VWC2: variants seen among roughly 807,000 people sequenced by gnomAD.
VWC2 encodes brorin.
Under a neutral mutation model 29.8 loss-of-function variants are expected in VWC2, and 14 were observed. The observed-to-expected ratio is 0.47, with a 90% confidence interval of 0.31 to 0.74. The LOEUF (loss-of-function observed/expected upper bound fraction) is 0.74, where lower values mean the gene tolerates loss of function less well. Ranked by LOEUF, VWC2 falls within the 30% of genes least tolerant of loss-of-function variation. The pLI is 0.05. For synonymous variants in VWC2, 213 were observed against 199.0 expected (o/e 1.07, Z -0.59); for missense variants, 457 against 459.8 (o/e 0.99, Z 0.05).
At chr7:49,891,019 C>G (rs1464376020) in intron 3 of VWC2, among the ~76,000 whole-genome samples, 1 of 152,038 alleles carries the variant, frequency 6.6e-6, no homozygotes, top group East Asian at 1.9e-4. Context: ...AGATTTAAGC[C>G]AAATATATTC....
At chr7:49,874,394 G>A (rs958685945) in intron 3 of VWC2, among the ~76,000 whole-genome samples, 3 of 152,020 alleles carry the variant, frequency 2.0e-5, no homozygotes, top group African/African-American at 7.3e-5. Context: ...TGTAGCCTAG[G>A]AGCAATAGGC....
At chr7:49,782,684 C>T (rs1405330975) in intron 2 of VWC2, among the ~76,000 whole-genome samples, 1 of 133,544 alleles carries the variant, frequency 7.5e-6, no homozygotes, top group Non-Finnish European at 1.6e-5. Flanking sequence ...ATCTCTACAA[C>T]AAATTGAAAA....
chr7:49,794,126 C>T (rs1171563928), intron 2 of VWC2, among the ~76,000 whole-genome samples: 1 of 152,174 alleles, frequency 6.6e-6, no homozygotes, highest in Admixed American at 6.5e-5. Context: ...TCACTCCTGA[C>T]CCTCCCATTC....
chr7:49,831,825 T>C (rs996448424), intron 3 of VWC2, among the ~76,000 whole-genome samples: 1 of 152,166 alleles, frequency 6.6e-6, no homozygotes, highest in Non-Finnish European at 1.5e-5. Flanking sequence ...AAAAGACTAT[T>C]GCAAGTGGAA....
intron 3 of VWC2, among the ~76,000 whole-genome samples, chr7:49,862,080 C>G (rs562965374): frequency 6.6e-6 from 1 of 152,264 alleles, no homozygotes; most frequent in East Asian, 1.9e-4. Context: ...GTACTGCCAT[C>G]CTGACAATAT....
At chr7:49,871,344 G>C (rs1791140860) in intron 3 of VWC2, among the ~76,000 whole-genome samples, 1 of 152,008 alleles carries the variant, frequency 6.6e-6, no homozygotes, top group Non-Finnish European at 1.5e-5. Flanking sequence ...GCGCATTAAG[G>C]TATATCCCAT....
At chr7:49,850,162 G>A (rs955229381) in intron 3 of VWC2, among the ~76,000 whole-genome samples, 1 of 152,202 alleles carries the variant, frequency 6.6e-6, no homozygotes, top group African/African-American at 2.4e-5. Context: ...GCAGTATTCA[G>A]GAAGACTGAG....
intron 3 of VWC2, among the ~76,000 whole-genome samples, chr7:49,900,401 A>G (rs1371068527): frequency 6.6e-6 from 1 of 151,742 alleles, no homozygotes; most frequent in African/African-American, 2.4e-5. Context: ...AAGATTAATA[A>G]AAGTTCTAAG....
At chr7:49,837,696 G>A (rs1332631079) in intron 3 of VWC2, among the ~76,000 whole-genome samples, 1 of 152,178 alleles carries the variant, frequency 6.6e-6, no homozygotes, top group Non-Finnish European at 1.5e-5. Flanking sequence ...GCAAGGTTAT[G>A]CCTCCAAATG....
chr7:49,793,571 T>C (rs958429002), intron 2 of VWC2, among the ~76,000 whole-genome samples: 4 of 150,068 alleles, frequency 2.7e-5, no homozygotes, highest in Non-Finnish European at 1.5e-5. Flanking sequence ...CCATATATAT[T>C]CTTTTGCAAC....
At chr7:49,887,156 T>C (rs1791939346) in intron 3 of VWC2, among the ~76,000 whole-genome samples, 1 of 152,226 alleles carries the variant, frequency 6.6e-6, no homozygotes, top group African/African-American at 2.4e-5. Context: ...TGCTTTATCC[T>C]GATCGATGAT....
At chr7:49,783,294 A>G (rs966527735) in intron 2 of VWC2, among the ~76,000 whole-genome samples, 1 of 152,060 alleles carries the variant, frequency 6.6e-6, no homozygotes, top group Non-Finnish European at 1.5e-5. Context: ...GTGGTGTGTG[A>G]GGCACTGTGA....
At position 49,789,194 on chromosome 7, in the gene VWC2, T is replaced by A. The variant is rs1364052784; in HGVS notation, c.696+13063T>A. 3.4e-5 allele frequency among the ~76,000 whole-genome samples: 5 copies of A among 147,682 alleles called. No homozygotes were observed. The East Asian group carries it at 1.0e-3, about 30-fold the overall frequency. On this transcript the variant is annotated intron_variant, in intron 2 of 3. Coordinates refer to ENST00000340652, the MANE Select transcript of VWC2 (RefSeq NM_198570.5). ...GTGTTAGCATGTGTGTGGGTGCATG[T>A]GTGAGTGTGGGTGTGTGTGTGTGAG...
Position 49,916,409 on chromosome 7 carries a change from C to G in VWC2, c.*4224C>G, listed in dbSNP as rs1246784417. 1 of 152,140 alleles carries G rather than the reference C, an allele frequency of 6.6e-6. No individual in the cohort carries two copies. The highest frequency in any genetic ancestry group is 6.6e-5 in the Admixed American group (1 of 15,258). The allele number at this position is 152,140 out of a possible 1,614,324, so 9.4% of individuals were successfully genotyped here. The stretch of plus-strand genomic sequence containing the variant: ...CCTTTGCAGCATGTTGAGTATTAGC[C>G]ATTTTCAATGTCCAGTTCAAGTGCC... On this transcript the variant is annotated 3_prime_UTR_variant, in exon 4 of 4. Coordinates refer to ENST00000340652, the MANE Select transcript of VWC2 (RefSeq NM_198570.5).
chr7:49,909,752 A>G (rs545364310), intron 3 of VWC2, among the ~76,000 whole-genome samples: 2 of 152,270 alleles, frequency 1.3e-5, no homozygotes, highest in East Asian at 1.9e-4. Flanking sequence ...GTTCTCTGAA[A>G]GAGAAAGAGT....
At chr7:49,796,335 AT>A (rs781154511) in intron 2 of VWC2, among the ~76,000 whole-genome samples, 11 of 152,144 alleles carry the variant, frequency 7.2e-5, no homozygotes, top group Non-Finnish European at 1.0e-4. Flanking sequence ...ATGAGTGGGC[AT>A]GTGCATTCAG....
Position 49,795,413 on chromosome 7 carries a change from C to A in VWC2, c.697-7298C>A, listed in dbSNP as rs908912187. 2.6e-5 allele frequency among the ~76,000 whole-genome samples: 4 copies of A among 152,222 alleles called. No individual in the cohort carries two copies. In the East Asian group the frequency reaches 7.7e-4, roughly 29 times the overall value. On this transcript the variant is annotated intron_variant, in intron 2 of 3. Coordinates refer to ENST00000340652, the MANE Select transcript of VWC2 (RefSeq NM_198570.5). ...CCTAGGTTCTGAACTGGAATCAGGA[C>A]CTTGAAGGTCGCTTTCTGATCTCAG...
intron 3 of VWC2, among the ~76,000 whole-genome samples, chr7:49,900,533 A>T (rs1792663986): frequency 1.3e-5 from 2 of 151,760 alleles, no homozygotes; most frequent in Admixed American, 1.3e-4. Flanking sequence ...AAACAATCCT[A>T]TTCCTGCAAG....
At chr7:49,859,133 G>C (rs1001476760) in intron 3 of VWC2, among the ~76,000 whole-genome samples, 1 of 152,180 alleles carries the variant, frequency 6.6e-6, no homozygotes, top group Admixed American at 6.5e-5. Context: ...CACTGATGGG[G>C]CATGTGTGTC....
Sources: gnomAD v4.1 joint callset for allele counts (sites outside exome capture counted in the v4.1 genomes callset) on GRCh38, gnomAD v4.1.1 for gene constraint, MANE v1.5 for transcripts, NCBI Gene and HGNC (gene_info 2026-07-23, HGNC 2026-07-21) for gene names.